Variants in MPDZ observed in about 807,000 individuals in gnomAD.
The protein encoded by MPDZ is multiple PDZ domain protein.
A neutral mutation model predicts 239.1 loss-of-function variants in MPDZ; 234 were observed. That is an observed-to-expected ratio of 0.98 (90% confidence interval 0.88 to 1.09). The LOEUF (loss-of-function observed/expected upper bound fraction) is 1.09. MPDZ is among the 50% of genes least tolerant of loss of function. The pLI, the probability that MPDZ is intolerant of heterozygous loss-of-function variation, is 0.00. For synonymous variants in MPDZ, 1,048 were observed against 881.3 expected, an observed-to-expected ratio of 1.19 and a Z score of -3.35; for missense variants, 3,175 against 2,510.0, an observed-to-expected ratio of 1.26 and a Z score of -5.66.
At chr9:13,271,220 A>C (rs1176899324) in intron 1 of MPDZ, among the ~76,000 whole-genome samples, 1 of 152,194 alleles carries the variant, frequency 6.6e-6, no homozygotes, top group African/African-American at 2.4e-5. Context: ...AAGGGCCTTT[A>C]AATTTTCTAT....
intron 19 of MPDZ, among the ~76,000 whole-genome samples, chr9:13,180,882 G>C (rs1160031814): frequency 1.3e-5 from 2 of 151,856 alleles, no homozygotes; most frequent in African/African-American, 4.8e-5. Flanking sequence ...AAAAAGTAAA[G>C]CAGAATGGAC....
chr9:13,159,154 G>C (rs764700444), intron 23 of MPDZ, among the ~76,000 whole-genome samples: 1 of 152,150 alleles, frequency 6.6e-6, no homozygotes, highest in Non-Finnish European at 1.5e-5. Context: ...ATCTAATCCA[G>C]TCATCCATCT....
chr9:13,271,191 G>C (rs6474759), intron 1 of MPDZ, among the ~76,000 whole-genome samples: 59,758 of 151,886 alleles, frequency 0.39, 13,355 homozygotes, highest in African/African-American at 0.61. Context: ...TACATATTTT[G>C]TAGCTCCAAC....
chr9:13,160,859 T>TATATATAA (rs1563931048), intron 23 of MPDZ, among the ~76,000 whole-genome samples: 7 of 120,930 alleles, frequency 5.8e-5, no homozygotes, highest in African/African-American at 9.3e-5. Context: ...TATATATATA[T>TATATATAA]ATATATATAT....
At chr9:13,240,580 TAAA>T (rs71331533) in intron 3 of MPDZ, among the ~76,000 whole-genome samples, 23 of 44,018 alleles carry the variant, frequency 5.2e-4, no homozygotes, top group East Asian at 1.8e-3. Context: ...ATAATAAAAG[TAAA>T]AAAAAAAAAA....
At position 13,140,873 on chromosome 9, in the gene MPDZ, C is replaced by G. The variant is rs189960281; in HGVS notation, c.3841-724G>C. On this transcript the variant is annotated intron_variant, in intron 27 of 46. Transcript: ENST00000319217. ...TCCTCTCTCCATATGATTCTCTTAA[C>G]AAATCCAGGACAGCAAGTATCACAC... The G allele has an allele frequency of 3.9e-5, 6 of 152,180 alleles. No homozygotes were observed. In the East Asian group the frequency reaches 1.2e-3, roughly 29 times the overall value. The allele number at this position is 152,180 out of a possible 1,614,324, so 9.4% of individuals were successfully genotyped here.
Position 13,125,232 on chromosome 9 carries a change from T to A in MPDZ, c.4791A>T (p.Glu1597Asp). 6.2e-7 allele frequency: 1 copy of A among 1,602,910 alleles called. No homozygotes were observed. The change falls in exon 35 of 47, where the codon GAA (glutamate) becomes GAT (aspartate). Residue 1597 changes from glutamate (E) to aspartate (D), a missense_variant. By Grantham distance (45) the Glu-to-Asp change is conservative. Transcript: ENST00000319217. ...AGGCCTTACTTCGGATGGACTCCGG[T>A]TCTGGGGAGCCAGACTGTGGGACCA... ...SLMVPQSGSP[E>D]PESIRNTSRS...
intron 1 of MPDZ, among the ~76,000 whole-genome samples, chr9:13,272,817 G>A (rs1037109535): frequency 3.3e-5 from 5 of 151,854 alleles, no homozygotes; most frequent in East Asian, 3.9e-4. Flanking sequence ...GTGAGAAGCC[G>A]AGGAGGAAAT....
Position 13,114,355 on chromosome 9 carries a change from G to A in MPDZ, c.5467-334C>T, listed in dbSNP as rs10960951. ...GACTAGGACTTAAACAAAAACTGTA[G>A]AATTAGGGCCAGCTAATAGGAAACT... On this transcript the variant is annotated intron_variant, in intron 40 of 46. Transcript: ENST00000319217. 2.2e-3 allele frequency among the ~76,000 whole-genome samples: 332 copies of A among 152,188 alleles called. 16 individuals are homozygous for A. In the East Asian group the frequency reaches 0.058, roughly 27 times the overall value.
At chr9:13,134,542 C>G (rs1166740755) in intron 31 of MPDZ, 3 of 152,124 alleles carry the variant, frequency 2.0e-5, no homozygotes, top group African/African-American at 7.2e-5. Flanking sequence ...AAGAATGTTT[C>G]TCTTCCTACA....
intron 3 of MPDZ, among the ~76,000 whole-genome samples, chr9:13,230,835 CAA>C (rs1323203119): frequency 6.6e-6 from 1 of 151,976 alleles, no homozygotes; most frequent in Non-Finnish European, 1.5e-5. Flanking sequence ...GCATATACTG[CAA>C]ACTACATCCA....
intron 18 of MPDZ, among the ~76,000 whole-genome samples, chr9:13,184,039 T>A (rs1219939427): frequency 6.6e-6 from 1 of 152,016 alleles, no homozygotes; most frequent in East Asian, 1.9e-4. Context: ...TATATTTTGT[T>A]TAAATTATCT....
At chr9:13,221,807 GA>G (rs957941708) in intron 6 of MPDZ, among the ~76,000 whole-genome samples, 6 of 150,116 alleles carry the variant, frequency 4.0e-5, no homozygotes, top group South Asian at 2.1e-4. Context: ...AAAGTTCAAA[GA>G]AAAAAAAAGG....
intron 3 of MPDZ, among the ~76,000 whole-genome samples, chr9:13,245,038 T>C (rs1251417950): frequency 2.0e-5 from 3 of 152,056 alleles, no homozygotes; most frequent in East Asian, 1.9e-4. Context: ...ACAGGTAAGG[T>C]ATGAGGTAAT....
At chr9:13,118,559 C>A (rs545529280) in intron 39 of MPDZ, among the ~76,000 whole-genome samples, 2 of 152,264 alleles carry the variant, frequency 1.3e-5, no homozygotes, top group East Asian at 3.9e-4. Flanking sequence ...GACATGGGTA[C>A]TGATGATGAC....
At position 13,249,008 on chromosome 9, in the gene MPDZ, A is replaced by AAAAAAAAAAAAAAAAC. The variant is rs1279043046; in HGVS notation, c.17-1208_17-1207insGTTTTTTTTTTTTTTT. ...AAAAAAAAAAAAAAAAAAAAAAAAA[A>AAAAAAAAAAAAAAAAC]ATTGGAATCATCACCAGAGATACTT... On this transcript the variant is annotated intron_variant, in intron 2 of 46. Transcript: ENST00000319217. Among the ~76,000 whole-genome samples the AAAAAAAAAAAAAAAAC allele has an allele frequency of 3.1e-4, 39 of 125,348 alleles. 5 individuals carry two copies. Among genetic ancestry groups the AAAAAAAAAAAAAAAAC allele is most frequent in the Non-Finnish European group, 5.3e-4 (31 of 58,358 alleles). 82.2% of individuals were successfully genotyped at this position (125,348 alleles called of 152,430 possible). A position where few individuals can be genotyped will look rare whatever the true frequency, so the allele number is the denominator to read the frequency against.
intron 3 of MPDZ, among the ~76,000 whole-genome samples, chr9:13,241,533 T>C (rs1362075927): frequency 6.6e-6 from 1 of 152,200 alleles, no homozygotes. Context: ...TATAGGTGAA[T>C]CATCCTCCTT....
intron 24 of MPDZ, 114 bp downstream of exon 24, chr9:13,157,904 C>T: frequency 1.2e-6 from 1 of 827,674 alleles, no homozygotes; most frequent in Non-Finnish European, 2.0e-6. Flanking sequence ...AAGTATTAAA[C>T]AACTCACCCG....
In MPDZ at chr9:13,137,329, G is replaced by C. The variant is rs374348863; in HGVS notation, c.4201-526C>G. ...CGCAAATGACTGGCTCAGTCATTTG[G>C]TCATTTAGCCACTGCCTGACTGAGC... On this transcript the variant is annotated intron_variant, in intron 29 of 46. Transcript: ENST00000319217. Among the ~76,000 whole-genome samples, 10 of 152,246 alleles carry C rather than the reference G, an allele frequency of 6.6e-5. No individual in the cohort carries two copies. In the East Asian group the frequency reaches 1.5e-3, roughly 24 times the overall value.
Sources: allele counts gnomAD v4.1 joint callset (sites outside exome capture counted in the v4.1 genomes callset), GRCh38; gene constraint gnomAD v4.1.1; transcripts MANE v1.5; gene names NCBI Gene and HGNC (gene_info 2026-07-23, HGNC 2026-07-21).